ULK4: variants seen among roughly 807,000 people sequenced by gnomAD.
ULK4 encodes the protein unc-51 like kinase 4.
A neutral mutation model predicts 160.6 loss-of-function variants in ULK4; 133 were observed. That is an observed-to-expected ratio of 0.83 (90% CI 0.72 to 0.96). ULK4 has a LOEUF of 0.96. ULK4 is among the 40% of genes least tolerant of loss of function. The probability of loss-of-function intolerance (pLI) is 0.00; values close to 1 mark genes in which losing one functional copy is unlikely to be tolerated. For synonymous variants in ULK4, 534 were observed against 539.8 expected (o/e 0.99, Z 0.15); for missense variants, 1,580 against 1,499.5 (o/e 1.05, Z -0.89).
chr3:41,288,978 A>C (rs9826643), intron 35 of ULK4, among the ~76,000 whole-genome samples: 37,122 of 152,072 alleles, frequency 0.24, 6,639 homozygotes, highest in African/African-American at 0.5. Flanking sequence ...CTCTGCCTGT[A>C]GGGGCTCCAC....
At chr3:41,310,918 G>A (rs746266028) in intron 35 of ULK4, among the ~76,000 whole-genome samples, 21 of 151,896 alleles carry the variant, frequency 1.4e-4, no homozygotes, top group East Asian at 3.9e-4. Context: ...ACTTGAACCC[G>A]GGAAGTTGAG....
intron 34 of ULK4, among the ~76,000 whole-genome samples, chr3:41,447,344 T>C (rs909923782): frequency 6.6e-6 from 1 of 152,142 alleles, no homozygotes; most frequent in Non-Finnish European, 1.5e-5. Flanking sequence ...TGGATCATCA[T>C]GGGTGAGAAT....
At chr3:41,278,543 G>C (rs2079276178) in intron 35 of ULK4, among the ~76,000 whole-genome samples, 1 of 152,156 alleles carries the variant, frequency 6.6e-6, no homozygotes, top group African/African-American at 2.4e-5. Context: ...CCTCCCAGTA[G>C]GGGCCAACAG....
chr3:41,696,173 G>A (rs1016931007), intron 27 of ULK4, among the ~76,000 whole-genome samples: 4 of 151,270 alleles, frequency 2.6e-5, no homozygotes, highest in Non-Finnish European at 4.4e-5. Flanking sequence ...GGCCTGACAT[G>A]AGTCAGGCCC....
intron 35 of ULK4, among the ~76,000 whole-genome samples, chr3:41,317,481 TGATATTATTGATAAC>T (rs2080167500): frequency 6.6e-6 from 1 of 152,228 alleles, no homozygotes; most frequent in African/African-American, 2.4e-5. Context: ...TTATTGATAA[TGATATTATTGATAAC>T]GATTGATAAT....
At chr3:41,578,824 C>T (rs2029935336) in intron 31 of ULK4, among the ~76,000 whole-genome samples, 1 of 152,172 alleles carries the variant, frequency 6.6e-6, no homozygotes, top group Non-Finnish European at 1.5e-5. Flanking sequence ...GACTGGCCAA[C>T]TTGATCAAGG....
rs369404667 is a variant in ULK4, at chr3:41,255,129, T to TACACACACACACACACAC, written c.3679-5573_3679-5556dup. 4.0e-3 allele frequency among the ~76,000 whole-genome samples: 579 copies of TACACACACACACACACAC among 144,234 alleles called. 6 individuals carry two copies. The highest frequency in any genetic ancestry group is 0.013 in the African/African-American group (507 of 38,896). 94.6% of individuals were successfully genotyped at this position (144,234 alleles called of 152,430 possible). ...ACATCTGTAATATATAAATTATGGC[T>TACACACACACACACACAC]ACACACACACACACACACACACACA... On this transcript the variant is annotated intron_variant, in intron 35 of 36. Transcript: ENST00000301831.
intron 31 of ULK4, among the ~76,000 whole-genome samples, chr3:41,578,088 T>G (rs1470560283): frequency 2.0e-5 from 3 of 152,324 alleles, no homozygotes; most frequent in African/African-American, 7.2e-5. Context: ...GAAATACTTT[T>G]TGGATCTAAT....
At chr3:41,715,108 A>C (rs1159309072) in intron 25 of ULK4, 129 bp downstream of exon 25, 1 of 876,232 alleles carries the variant, frequency 1.1e-6, no homozygotes, top group Non-Finnish European at 1.8e-6. Flanking sequence ...AAATATTAAA[A>C]GGTCACTTCC....
intron 35 of ULK4, among the ~76,000 whole-genome samples, chr3:41,269,766 T>A (rs1465249086): frequency 1.3e-5 from 2 of 152,170 alleles, no homozygotes; most frequent in Non-Finnish European, 1.5e-5. Flanking sequence ...ATGTAAACAT[T>A]TGGTTCTACC....
chr3:41,378,805 A>G (rs1187095829), intron 35 of ULK4, among the ~76,000 whole-genome samples: 2 of 151,712 alleles, frequency 1.3e-5, no homozygotes, highest in African/African-American at 2.4e-5. Flanking sequence ...AAATAAAATA[A>G]TAAAAAATAA....
intron 30 of ULK4, among the ~76,000 whole-genome samples, chr3:41,623,449 G>C (rs1218772994): frequency 6.6e-6 from 1 of 152,112 alleles, no homozygotes; most frequent in Admixed American, 6.6e-5. Flanking sequence ...TAATAGACAA[G>C]ATACGGAAAC....
intron 32 of ULK4, among the ~76,000 whole-genome samples, chr3:41,500,493 C>T (rs997527290): frequency 4.6e-5 from 7 of 151,960 alleles, no homozygotes; most frequent in East Asian, 1.9e-4. Flanking sequence ...AAGGAGAGGC[C>T]CACCTGATTA....
intron 35 of ULK4, among the ~76,000 whole-genome samples, chr3:41,273,985 G>A (rs1023703195): frequency 2.0e-5 from 3 of 151,988 alleles, no homozygotes; most frequent in African/African-American, 4.8e-5. Flanking sequence ...AACCGTGGGC[G>A]AAATAAACCT....
chr3:41,663,647 G>C lies in ULK4; in HGVS notation c.3031C>G (p.Leu1011Val), dbSNP rs779555854. Residue 1011 changes from leucine (L) to valine (V), a missense_variant, in exon 30 of 37, where the codon CTG (leucine) becomes GTG (valine). Transcript: ENST00000301831. Reference sequence around the variant, plus strand: ...TTGTGTTCAGTCATCGCGACTAGCAGTTTCAGAGCATATGCTGGTACTGGG... The same window carrying C: ...TTGTGTTCAGTCATCGCGACTAGCACTTTCAGAGCATATGCTGGTACTGGG... ...PDPVPAYALK[L>V]LVAMTEHNPT... 2.5e-6 allele frequency: 4 copies of C among 1,613,980 alleles called. No individual in the cohort carries two copies. The Admixed American group carries it at 6.7e-5, about 27-fold the overall frequency.
At chr3:41,541,182 T>C (rs2086683233) in intron 32 of ULK4, among the ~76,000 whole-genome samples, 1 of 152,222 alleles carries the variant, frequency 6.6e-6, no homozygotes, top group African/African-American at 2.4e-5. Context: ...AAGTCTTTAA[T>C]CCATCCTGAA....
At chr3:41,582,451 T>A (rs1302930372) in intron 31 of ULK4, among the ~76,000 whole-genome samples, 1 of 152,158 alleles carries the variant, frequency 6.6e-6, no homozygotes, top group Non-Finnish European at 1.5e-5. Context: ...TACACTGTCA[T>A]TATAAATCAG....
chr3:41,608,827 A>G (rs2032513675), intron 31 of ULK4, among the ~76,000 whole-genome samples: 1 of 152,170 alleles, frequency 6.6e-6, no homozygotes, highest in South Asian at 2.1e-4. Context: ...GGCCCTTCCT[A>G]CTATTTCATT....
chr3:41,553,963 C>G (rs556668368), intron 32 of ULK4, among the ~76,000 whole-genome samples: 1 of 152,034 alleles, frequency 6.6e-6, no homozygotes, highest in South Asian at 2.1e-4. Context: ...TTAGCCATCC[C>G]CACTTCCCCC....
Sources: gnomAD v4.1 joint callset for allele counts (sites outside exome capture counted in the v4.1 genomes callset) on GRCh38, gnomAD v4.1.1 for gene constraint, MANE v1.5 for transcripts, NCBI Gene and HGNC (gene_info 2026-07-23, HGNC 2026-07-21) for gene names.